PDZRN3: variants seen among roughly 807,000 people sequenced by gnomAD.
PDZRN3 encodes PDZ domain containing ring finger 3.
PDZRN3 carries 38 observed loss-of-function variants against 85.7 expected under a neutral mutation model. The ratio of observed to expected loss-of-function variants is 0.44; its 90% CI spans 0.34 to 0.58. The LOEUF (loss-of-function observed/expected upper bound fraction) is 0.58. Among genes scored for constraint, PDZRN3 ranks in the 20% least tolerant of loss-of-function variants. The pLI is 0.01. For synonymous variants in PDZRN3, 759 were observed against 638.0 expected, an observed-to-expected ratio of 1.19 and a Z score of -2.86; for missense variants, 1,629 against 1,506.4, an observed-to-expected ratio of 1.08 and a Z score of -1.35.
At chr3:73,471,256 C>A (rs1703333599) in intron 3 of PDZRN3, among the ~76,000 whole-genome samples, 1 of 152,132 alleles carries the variant, frequency 6.6e-6, no homozygotes, top group African/African-American at 2.4e-5. Flanking sequence ...AACGCCAAAG[C>A]TTGCCGGCAA....
intron 3 of PDZRN3, among the ~76,000 whole-genome samples, chr3:73,573,811 CTATACATATACA>C (rs60904712): frequency 3.6e-3 from 537 of 149,236 alleles, no homozygotes; most frequent in Non-Finnish European, 4.4e-3. Context: ...ACACATACAC[CTATACATATACA>C]TATACATATA....
chr3:73,493,789 G>A (rs1703819189), intron 3 of PDZRN3, among the ~76,000 whole-genome samples: 1 of 152,200 alleles, frequency 6.6e-6, no homozygotes, highest in South Asian at 2.1e-4. Context: ...GGGCCAATGG[G>A]TGACCTCCCT....
At chr3:73,614,612 A>G (rs913012200) in intron 1 of PDZRN3, among the ~76,000 whole-genome samples, 2 of 152,238 alleles carry the variant, frequency 1.3e-5, no homozygotes, top group Non-Finnish European at 2.9e-5. Context: ...TGCAAAGTTC[A>G]CAAAGACTCA....
At chr3:73,546,312 G>A (rs943010629) in intron 3 of PDZRN3, among the ~76,000 whole-genome samples, 7 of 152,204 alleles carry the variant, frequency 4.6e-5, no homozygotes, top group Admixed American at 4.6e-4. Context: ...GTACGGACCT[G>A]TTGGAGGCAA....
chr3:73,619,843 T>C (rs935923334), intron 1 of PDZRN3, among the ~76,000 whole-genome samples: 2 of 152,212 alleles, frequency 1.3e-5, no homozygotes, highest in Non-Finnish European at 2.9e-5. Context: ...GATTAATTCC[T>C]GATGCTAGGT....
intron 3 of PDZRN3, among the ~76,000 whole-genome samples, chr3:73,502,563 T>C (rs941240699): frequency 6.6e-6 from 1 of 152,188 alleles, no homozygotes; most frequent in African/African-American, 2.4e-5. Context: ...TCCCTTCAAC[T>C]CCCTCCCTTG....
At position 73,607,838 on chromosome 3, in the gene PDZRN3, C is replaced by A. The variant is rs78136801; in HGVS notation, c.810+760G>T. Among the ~76,000 whole-genome samples, 212 of 152,312 alleles carry A rather than the reference C, an allele frequency of 1.4e-3. 2 individuals are homozygous for A. The highest frequency in any genetic ancestry group is 4.9e-3 in the African/African-American group (205 of 41,570). ...TATCTCCTGGCCCTTAGCAAACAGC[C>A]TATGTTCAATACTTATTTGTTGAAT... On this transcript the variant is annotated intron_variant, in intron 2 of 9. Coordinates refer to ENST00000263666, the MANE Select transcript of PDZRN3 (RefSeq NM_015009.3).
At chr3:73,564,510 T>C (rs1701903242) in intron 3 of PDZRN3, among the ~76,000 whole-genome samples, 1 of 152,130 alleles carries the variant, frequency 6.6e-6, no homozygotes, top group South Asian at 2.1e-4. Flanking sequence ...TGAGGTTTCT[T>C]CTCCGCCCTG....
Position 73,624,798 on chromosome 3 carries a change from C to G in PDZRN3, c.28G>C (p.Gly10Arg). The G allele has an allele frequency of 2.2e-6, 3 of 1,393,836 alleles. No individual in the cohort carries two copies. The East Asian group carries it at 8.6e-5, about 40-fold the overall frequency. The allele number at this position is 1,393,836 out of a possible 1,614,324, so 86.3% of individuals were successfully genotyped here. ...CACTTCAGGTCCGGGTCCACGTCGCCGTCGAAGCGGTCCAGCTCGAAGCCC... is the reference window on the plus strand; with the variant it reads ...CACTTCAGGTCCGGGTCCACGTCGCGGTCGAAGCGGTCCAGCTCGAAGCCC... MGFELDRFD[G>R]DVDPDLKCAL... Residue 10 changes from glycine (G) to arginine (R), a missense_variant, in exon 1 of 10, where the codon GGC becomes CGC. Gly to Arg is a moderately radical substitution (Grantham distance 125). Transcript: ENST00000263666.
At chr3:73,532,363 C>G (rs560937249) in intron 3 of PDZRN3, among the ~76,000 whole-genome samples, 1 of 152,316 alleles carries the variant, frequency 6.6e-6, no homozygotes, top group Non-Finnish European at 1.5e-5. Context: ...TGACATTCAG[C>G]TCAAGCCTAC....
intron 3 of PDZRN3, among the ~76,000 whole-genome samples, chr3:73,587,998 T>C (rs746751554): frequency 2.6e-5 from 4 of 152,220 alleles, no homozygotes; most frequent in Non-Finnish European, 4.4e-5. Flanking sequence ...GGGATACATG[T>C]GCAGAACATG....
chr3:73,567,714 C>T (rs966893525), intron 3 of PDZRN3, among the ~76,000 whole-genome samples: 2 of 152,152 alleles, frequency 1.3e-5, no homozygotes, highest in East Asian at 1.9e-4. Context: ...TCCTCCAGTC[C>T]GTTTCCTACT....
chr3:73,446,802 T>A (rs1481948733), intron 3 of PDZRN3, among the ~76,000 whole-genome samples: 1 of 152,010 alleles, frequency 6.6e-6, no homozygotes, highest in African/African-American at 2.4e-5. Context: ...TCTCAGTTCC[T>A]TCTTTAAAAT....
intron 3 of PDZRN3, among the ~76,000 whole-genome samples, chr3:73,585,921 T>TTA (rs1207796485): frequency 6.6e-6 from 1 of 152,142 alleles, no homozygotes; most frequent in African/African-American, 2.4e-5. Flanking sequence ...TAAAGGAAAC[T>TTA]TACACTGTCT....
At chr3:73,509,453 T>C (rs937010486) in intron 3 of PDZRN3, among the ~76,000 whole-genome samples, 8 of 152,186 alleles carry the variant, frequency 5.3e-5, no homozygotes, top group African/African-American at 1.9e-4. Flanking sequence ...TCATCTCCCC[T>C]GGCTCAGTTT....
At chr3:73,599,930 T>C (rs9858993) in intron 3 of PDZRN3, among the ~76,000 whole-genome samples, 372 of 152,324 alleles carry the variant, frequency 2.4e-3, no homozygotes, top group African/African-American at 8.7e-3. Flanking sequence ...TATCTTCCTT[T>C]GATTTTCTTT....
At chr3:73,498,080 C>T (rs1703902515) in intron 3 of PDZRN3, among the ~76,000 whole-genome samples, 1 of 152,214 alleles carries the variant, frequency 6.6e-6, no homozygotes, top group African/African-American at 2.4e-5. Flanking sequence ...GGTAAGGCCA[C>T]AAATCCTGGT....
chr3:73,607,269 T>A (rs1702615273), intron 2 of PDZRN3, among the ~76,000 whole-genome samples: 2 of 152,262 alleles, frequency 1.3e-5, no homozygotes, highest in Admixed American at 6.5e-5. Flanking sequence ...CTCCCTTTTG[T>A]ACGTAACTTT....
intron 3 of PDZRN3, among the ~76,000 whole-genome samples, chr3:73,454,369 A>G (rs1575664871): frequency 6.6e-6 from 1 of 152,118 alleles, no homozygotes; most frequent in African/African-American, 2.4e-5. Flanking sequence ...AAAACCCATC[A>G]GCAATGACAC....
Sources: gnomAD v4.1 joint callset for allele counts (sites outside exome capture counted in the v4.1 genomes callset) on GRCh38, gnomAD v4.1.1 for gene constraint, MANE v1.5 for transcripts, NCBI Gene and HGNC (gene_info 2026-07-23, HGNC 2026-07-21) for gene names.